The following ACTR3C variants were observed in gnomAD, a reference collection of about 807,000 sequenced individuals.
The protein encoded by ACTR3C is actin related protein 3C.
In ACTR3C, 18 loss-of-function variants were observed where a neutral mutation model predicts 26.3. The ratio of observed to expected loss-of-function variants is 0.68; its 90% CI spans 0.47 to 1.01. The LOEUF is 1.01. ACTR3C is among the 50% of genes least tolerant of loss of function. The probability of loss-of-function intolerance (pLI) is 0.00; values close to 1 mark genes in which losing one functional copy is unlikely to be tolerated. For missense variants in ACTR3C, 184 were observed against 250.7 expected (o/e 0.73, Z 1.80); for synonymous variants, 55 against 94.5 (o/e 0.58, Z 2.42).
chr7:150,213,370 GATCTA>G, the ACTR3C span, among the ~76,000 whole-genome samples: 2 of 152,142 alleles, frequency 1.3e-5, no homozygotes, highest in Non-Finnish European at 2.9e-5. Context: ...GTCAGTGGCT[GATCTA>G]ATCATTTAGA....
the ACTR3C span, among the ~76,000 whole-genome samples, chr7:149,887,874 C>T: frequency 6.6e-6 from 1 of 152,216 alleles, no homozygotes; most frequent in African/African-American, 2.4e-5. Flanking sequence ...TTGGATTTAT[C>T]AGGGATTTCT....
the ACTR3C span, among the ~76,000 whole-genome samples, chr7:150,236,931 T>C: frequency 6.6e-6 from 1 of 151,280 alleles, no homozygotes; most frequent in Non-Finnish European, 1.5e-5. Flanking sequence ...ATGCATCTCA[T>C]AAAGAAAGAG....
At chr7:150,108,899 G>T in the ACTR3C span, among the ~76,000 whole-genome samples, 1 of 151,644 alleles carries the variant, frequency 6.6e-6, no homozygotes, top group African/African-American at 2.4e-5. Context: ...TGCTGGAGAG[G>T]CAGCTGCAAG....
the ACTR3C span, among the ~76,000 whole-genome samples, chr7:150,161,476 G>T: frequency 2.6e-5 from 4 of 151,460 alleles, no homozygotes. Context: ...TTGGTTTTTT[G>T]TCCTTGCGGT....
chr7:150,037,071 T>G, the ACTR3C span, among the ~76,000 whole-genome samples: 6 of 97,726 alleles, frequency 6.1e-5, no homozygotes, highest in African/African-American at 2.2e-4. Flanking sequence ...TCGCGGGGGG[T>G]GCCTCCCCCT....
At chr7:149,917,646 T>TTTC in the ACTR3C span, among the ~76,000 whole-genome samples, 1 of 20,140 alleles carries the variant, frequency 5.0e-5, no homozygotes, top group African/African-American at 7.2e-5. Flanking sequence ...TTTTTTTTTT[T>TTTC]TTTTTTTTGA....
At chr7:149,918,182 A>C in the ACTR3C span, among the ~76,000 whole-genome samples, 1 of 151,130 alleles carries the variant, frequency 6.6e-6, no homozygotes, top group African/African-American at 2.4e-5. Context: ...TTTTTTCTCT[A>C]TGTTACTTCG....
chr7:150,055,099 A>T, the ACTR3C span, among the ~76,000 whole-genome samples: 1 of 152,250 alleles, frequency 6.6e-6, no homozygotes, highest in Admixed American at 6.5e-5. Context: ...TAGCAGCACC[A>T]AGTAGCATTT....
chr7:150,006,353 C>T, the ACTR3C span, among the ~76,000 whole-genome samples: 8 of 150,774 alleles, frequency 5.3e-5, no homozygotes, highest in Non-Finnish European at 1.0e-4. Flanking sequence ...CCCGCCACCA[C>T]GCCTGGCTAA....
the ACTR3C span, among the ~76,000 whole-genome samples, chr7:149,954,385 C>T: frequency 6.6e-6 from 1 of 152,016 alleles, no homozygotes; most frequent in Non-Finnish European, 1.5e-5. Flanking sequence ...TTTCAGAATC[C>T]CCTGCCCCCA....
chr7:150,295,699 T>G (rs1836692799), intron 1 of ACTR3C, among the ~76,000 whole-genome samples: 2 of 148,708 alleles, frequency 1.3e-5, no homozygotes, highest in East Asian at 2.0e-4. Context: ...CCAAGACGAG[T>G]GAGGACATCA....
chr7:149,996,817 T>G, the ACTR3C span, among the ~76,000 whole-genome samples: 6 of 151,204 alleles, frequency 4.0e-5, no homozygotes, highest in African/African-American at 4.9e-5. Flanking sequence ...GCCAGAAACC[T>G]GACTGTTATG....
the ACTR3C span, among the ~76,000 whole-genome samples, chr7:150,039,429 C>CG: frequency 0.51 from 21,614 of 42,798 alleles, 3,610 homozygotes; most frequent in African/African-American, 0.56. Context: ...CCCTGCCTCG[C>CG]GGGGGTGCCT....
the ACTR3C span, among the ~76,000 whole-genome samples, chr7:150,233,035 CTTTA>C: frequency 6.6e-6 from 1 of 151,902 alleles, no homozygotes; most frequent in African/African-American, 2.4e-5. Context: ...TTTCTTTTAC[CTTTA>C]TTTATTCCTT....
the ACTR3C span, chr7:150,047,912 C>G: frequency 7.4e-7 from 1 of 1,342,692 alleles, no homozygotes; most frequent in Non-Finnish European, 9.8e-7. Context: ...GCTTTCTCTC[C>G]GGTTCCCACT....
At chr7:150,168,322 T>C in the ACTR3C span, among the ~76,000 whole-genome samples, 2 of 150,726 alleles carry the variant, frequency 1.3e-5, no homozygotes, top group Non-Finnish European at 1.5e-5. Context: ...GGAACTCTAT[T>C]GTGAACTGCC....
chr7:150,194,809 C>T, the ACTR3C span, among the ~76,000 whole-genome samples: 1 of 152,012 alleles, frequency 6.6e-6, no homozygotes, highest in South Asian at 2.1e-4. Context: ...ACATTATTCT[C>T]CCAGCGGGAC....
chr7:149,949,414 GGAA>G, the ACTR3C span, among the ~76,000 whole-genome samples: 3 of 145,228 alleles, frequency 2.1e-5, no homozygotes, highest in Non-Finnish European at 4.4e-5. Flanking sequence ...AAGGAAGGAA[GGAA>G]GGAAGGAAGG....
At chr7:150,275,762 T>C (rs1323277789) in intron 6 of ACTR3C, among the ~76,000 whole-genome samples, 2 of 152,146 alleles carry the variant, frequency 1.3e-5, no homozygotes, top group East Asian at 1.9e-4. Flanking sequence ...AACTTCTCCT[T>C]TGTAAAAGTG....
Sources: allele counts gnomAD v4.1 joint callset (sites outside exome capture counted in the v4.1 genomes callset), GRCh38; gene constraint gnomAD v4.1.1; transcripts MANE v1.5; gene names NCBI Gene and HGNC (gene_info 2026-07-23, HGNC 2026-07-21).